LARGE1: variants seen among roughly 807,000 people sequenced by gnomAD.
LARGE1 encodes the protein LARGE xylosyl- and glucuronyltransferase 1, also known as xylosyl- and glucuronyltransferase LARGE1.
A neutral mutation model predicts 87.6 loss-of-function variants in LARGE1; 43 were observed. That is an observed-to-expected ratio of 0.49 (90% CI 0.38 to 0.63). The LOEUF (loss-of-function observed/expected upper bound fraction) is 0.63, where lower values mean the gene tolerates loss of function less well. LARGE1 is among the 30% of genes least tolerant of loss of function. LARGE1 has a pLI of 0.00. For missense variants in LARGE1, 802 were observed against 1,000.2 expected (o/e 0.80, Z 2.67); for synonymous variants, 434 against 394.6 (o/e 1.10, Z -1.18).
intron 1 of LARGE1, among the ~76,000 whole-genome samples, chr22:33,810,002 G>A (rs1437630108): frequency 4.6e-5 from 7 of 152,132 alleles, no homozygotes; most frequent in East Asian, 3.8e-4. Flanking sequence ...AGTTATAGGC[G>A]GGTGTTGCTA....
intron 2 of LARGE1, among the ~76,000 whole-genome samples, chr22:33,706,331 C>A (rs1377502731): frequency 2.0e-5 from 3 of 152,192 alleles, no homozygotes; most frequent in Non-Finnish European, 4.4e-5. Flanking sequence ...CCAAGAGGGA[C>A]CTCGTCAGGG....
chr22:33,333,220 G>A (rs1004191174), intron 10 of LARGE1, among the ~76,000 whole-genome samples: 1 of 151,944 alleles, frequency 6.6e-6, no homozygotes, highest in Non-Finnish European at 1.5e-5. Flanking sequence ...GGGTTTCACC[G>A]TGTTAGCCAG....
At chr22:33,871,391 A>G (rs2064276261) in intron 1 of LARGE1, among the ~76,000 whole-genome samples, 1 of 152,162 alleles carries the variant, frequency 6.6e-6, no homozygotes, top group Admixed American at 6.5e-5. Context: ...TGTGTCAGGT[A>G]AGGGGGATAC....
At chr22:33,731,141 T>C (rs561784180) in intron 2 of LARGE1, among the ~76,000 whole-genome samples, 3 of 152,016 alleles carry the variant, frequency 2.0e-5, no homozygotes, top group African/African-American at 7.2e-5. Flanking sequence ...TAGCTGGGAC[T>C]ACCAGGCGCC....
chr22:33,120,592 G>C, the LARGE1 span, among the ~76,000 whole-genome samples: 1 of 151,606 alleles, frequency 6.6e-6, no homozygotes, highest in Non-Finnish European at 1.5e-5. Flanking sequence ...ATTCACTGCA[G>C]CCTCCACCTC....
chr22:33,345,970 A>G (rs747153515), intron 9 of LARGE1, among the ~76,000 whole-genome samples: 7 of 152,214 alleles, frequency 4.6e-5, no homozygotes, highest in Non-Finnish European at 1.0e-4. Flanking sequence ...AGTTACTGGG[A>G]TAAGAGGCAT....
At chr22:33,908,899 C>T (rs190571927) in intron 1 of LARGE1, among the ~76,000 whole-genome samples, 5 of 152,252 alleles carry the variant, frequency 3.3e-5, no homozygotes, top group Non-Finnish European at 5.9e-5. Flanking sequence ...GAATCCAGAA[C>T]CCAGATGTCA....
chr22:33,705,193 C>T (rs896236254), intron 2 of LARGE1, among the ~76,000 whole-genome samples: 15 of 152,200 alleles, frequency 9.9e-5, no homozygotes, highest in African/African-American at 3.4e-4. Flanking sequence ...ACACAACACA[C>T]ACCTGGCAAC....
At chr22:33,194,074 T>C (rs758542742) in intron 11 of LARGE1, among the ~76,000 whole-genome samples, 19 of 151,450 alleles carry the variant, frequency 1.3e-4, no homozygotes, top group Non-Finnish European at 2.5e-4. Flanking sequence ...TCTGCATTAT[T>C]CATGTCATAA....
intron 2 of LARGE1, among the ~76,000 whole-genome samples, chr22:33,757,627 G>A (rs550944096): frequency 6.6e-6 from 1 of 152,212 alleles, no homozygotes; most frequent in South Asian, 2.1e-4. Context: ...GGAGTTCTTG[G>A]CTCTGCTCTC....
intron 2 of LARGE1, among the ~76,000 whole-genome samples, chr22:33,666,199 G>A (rs938086281): frequency 2.6e-5 from 4 of 152,164 alleles, no homozygotes; most frequent in African/African-American, 7.2e-5. Context: ...TGAATAACAA[G>A]AGAATCCAAA....
At chr22:33,796,411 T>G (rs1397361549) in intron 1 of LARGE1, among the ~76,000 whole-genome samples, 3 of 152,166 alleles carry the variant, frequency 2.0e-5, no homozygotes, top group African/African-American at 4.8e-5. Flanking sequence ...GACTTCTGAC[T>G]GGGAGGACAC....
At chr22:33,545,727 C>T (rs1025077820) in intron 6 of LARGE1, among the ~76,000 whole-genome samples, 8 of 152,138 alleles carry the variant, frequency 5.3e-5, no homozygotes, top group African/African-American at 1.4e-4. Context: ...GCATGAGCCC[C>T]TGCGCCCAGC....
At chr22:33,646,530 C>T (rs2149164534) in intron 3 of LARGE1, among the ~76,000 whole-genome samples, 1 of 151,482 alleles carries the variant, frequency 6.6e-6, no homozygotes, top group Middle Eastern at 3.4e-3. Flanking sequence ...TGTAAACCAA[C>T]CATGGCACAT....
intron 13 of LARGE1, among the ~76,000 whole-genome samples, chr22:33,282,680 G>C (rs1031937766): frequency 3.9e-5 from 6 of 152,344 alleles, no homozygotes; most frequent in Admixed American, 2.0e-4. Flanking sequence ...TGCCACATGT[G>C]CTGGGTCACC....
At chr22:33,344,380 TA>T in intron 9 of LARGE1, among the ~76,000 whole-genome samples, 1 of 102,732 alleles carries the variant, frequency 9.7e-6, no homozygotes, top group African/African-American at 2.9e-5. Flanking sequence ...ACTTACAACT[TA>T]GATAGAGAGG....
intron 10 of LARGE1, among the ~76,000 whole-genome samples, chr22:33,330,260 A>G (rs756195019): frequency 4.6e-5 from 7 of 152,160 alleles, no homozygotes; most frequent in Non-Finnish European, 7.4e-5. Context: ...AATAGCTCTG[A>G]TTATCCAACT....
the LARGE1 span, among the ~76,000 whole-genome samples, chr22:33,150,122 C>A: frequency 6.6e-6 from 1 of 152,128 alleles, no homozygotes; most frequent in African/African-American, 2.4e-5. Context: ...AACCCCCAAG[C>A]CTCTCAAAAA....
At chr22:33,122,788 AC>A in the LARGE1 span, among the ~76,000 whole-genome samples, 3 of 152,218 alleles carry the variant, frequency 2.0e-5, no homozygotes, top group Non-Finnish European at 4.4e-5. Context: ...AAAACTGGCC[AC>A]ATTTTCTTGC....
Sources: allele counts gnomAD v4.1 joint callset (sites outside exome capture counted in the v4.1 genomes callset), GRCh38; gene constraint gnomAD v4.1.1; transcripts MANE v1.5; gene names NCBI Gene and HGNC (gene_info 2026-07-23, HGNC 2026-07-21).